TRPM7: variants seen among roughly 807,000 people sequenced by gnomAD.
TRPM7 encodes LTRPC ion channel family member 7.
Under a neutral mutation model 229.7 loss-of-function variants are expected in TRPM7, and 134 were observed. That is an observed-to-expected ratio of 0.58 (90% CI 0.51 to 0.67). The LOEUF is 0.67. TRPM7 is among the 30% of genes least tolerant of loss of function. The pLI is 0.00. For synonymous variants in TRPM7, 699 were observed against 715.2 expected (o/e 0.98, Z 0.36); for missense variants, 1,901 against 2,210.0 (o/e 0.86, Z 2.80).
intron 2 of TRPM7, among the ~76,000 whole-genome samples, chr15:50,661,103 A>C (rs928034478): frequency 1.3e-5 from 2 of 151,888 alleles, no homozygotes; most frequent in African/African-American, 4.8e-5. Flanking sequence ...TAGCCTCCCA[A>C]GTAGCTGGGA....
At chr15:50,667,380 A>T (rs911643906) in intron 1 of TRPM7, among the ~76,000 whole-genome samples, 1 of 152,176 alleles carries the variant, frequency 6.6e-6, no homozygotes, top group African/African-American at 2.4e-5. Context: ...TGTGTGTATG[A>T]TATGAAAGAG....
At chr15:50,681,160 A>G (rs35725584) in intron 1 of TRPM7, among the ~76,000 whole-genome samples, 20,951 of 151,994 alleles carry the variant, frequency 0.14, 1,475 homozygotes, top group Middle Eastern at 0.2. Context: ...CTGAGGCAGG[A>G]GAATCACTTG....
chr15:50,639,934 G>A (rs893716599), intron 5 of TRPM7, among the ~76,000 whole-genome samples: 5 of 151,876 alleles, frequency 3.3e-5, no homozygotes, highest in Non-Finnish European at 7.4e-5. Context: ...TTAAAACAAG[G>A]TCATAGCCAA....
chr15:50,579,420 A>T (rs1030059936), intron 30 of TRPM7, among the ~76,000 whole-genome samples: 2 of 152,192 alleles, frequency 1.3e-5, no homozygotes, highest in African/African-American at 4.8e-5. Flanking sequence ...TTTTCACCTT[A>T]ATAGAAACAT....
chr15:50,567,621 C>A (rs77962442), intron 38 of TRPM7, among the ~76,000 whole-genome samples: 4,540 of 151,748 alleles, frequency 0.03, 212 homozygotes, highest in African/African-American at 0.11. Flanking sequence ...ATATGTATCA[C>A]AACAAAGTGT....
rs2053312707 is a variant in TRPM7 at position 50,561,593 on chromosome 15, CCAAA to C, written c.*81_*84del. On this transcript the variant is annotated 3_prime_UTR_variant, in exon 39 of 39. Coordinates refer to ENST00000646667, the MANE Select transcript of TRPM7 (RefSeq NM_017672.6). ...AACTTGCATACACCTTTCTATATTACCAAACAATTTCCTCCCGAGGGAAAAGTGA... is the reference window on the plus strand; with the variant it reads ...AACTTGCATACACCTTTCTATATTACCAATTTCCTCCCGAGGGAAAAGTGA... The C allele has an allele frequency of 1.9e-5, 29 of 1,534,404 alleles. No homozygotes were observed. The highest frequency in any genetic ancestry group is 4.0e-5 in the Admixed American group (2 of 50,556).
intron 28 of TRPM7, among the ~76,000 whole-genome samples, chr15:50,583,788 G>A (rs775189917): frequency 1.3e-5 from 2 of 151,960 alleles, no homozygotes; most frequent in Non-Finnish European, 2.9e-5. Context: ...TGTTCAGGCT[G>A]GTCTCAAACT....
At chr15:50,571,945 T>A (rs920088283) in intron 36 of TRPM7, among the ~76,000 whole-genome samples, 1 of 152,212 alleles carries the variant, frequency 6.6e-6, no homozygotes, top group Non-Finnish European at 1.5e-5. Context: ...TAAAATGTTA[T>A]CAAATGGCAC....
intron 2 of TRPM7, among the ~76,000 whole-genome samples, chr15:50,659,743 C>T (rs993727749): frequency 6.6e-6 from 1 of 152,042 alleles, no homozygotes; most frequent in Admixed American, 6.6e-5. Context: ...TGTCAGCTCA[C>T]TGCAACCTCC....
At chr15:50,622,310 G>C (rs1204617234) in intron 12 of TRPM7, among the ~76,000 whole-genome samples, 1 of 152,144 alleles carries the variant, frequency 6.6e-6, no homozygotes, top group Non-Finnish European at 1.5e-5. Flanking sequence ...GAGAACTACT[G>C]CTTTATCATG....
intron 28 of TRPM7, among the ~76,000 whole-genome samples, chr15:50,584,444 G>C (rs76362257): frequency 6.6e-6 from 1 of 152,034 alleles, no homozygotes; most frequent in Non-Finnish European, 1.5e-5. Context: ...GTGTATGTTC[G>C]TTCTGGGAAT....
chr15:50,565,301 A>C (rs2053548585), intron 38 of TRPM7, among the ~76,000 whole-genome samples: 1 of 152,154 alleles, frequency 6.6e-6, no homozygotes, highest in Admixed American at 6.6e-5. Context: ...GTTTAAATTT[A>C]AAACAAAATC....
intron 3 of TRPM7, among the ~76,000 whole-genome samples, chr15:50,651,655 TAAAG>T (rs776820737): frequency 6.6e-6 from 1 of 151,598 alleles, no homozygotes; most frequent in Non-Finnish European, 1.5e-5. Context: ...AAGAAAAAAT[TAAAG>T]AAAAGAAGAC....
chr15:50,674,822 G>A (rs918748767), intron 1 of TRPM7, among the ~76,000 whole-genome samples: 4 of 151,962 alleles, frequency 2.6e-5, no homozygotes, highest in African/African-American at 9.7e-5. Flanking sequence ...GTTTGTTTTT[G>A]TTTTTTTGTT....
At chr15:50,678,020 A>C (rs987518169) in intron 1 of TRPM7, among the ~76,000 whole-genome samples, 8 of 151,974 alleles carry the variant, frequency 5.3e-5, no homozygotes, top group African/African-American at 1.9e-4. Flanking sequence ...CGGGCGGATC[A>C]CGAGGTCAGG....
chr15:50,584,444 G>A (rs76362257), intron 28 of TRPM7, among the ~76,000 whole-genome samples: 1,553 of 152,152 alleles, frequency 0.01, 38 homozygotes, highest in African/African-American at 0.036. Flanking sequence ...GTGTATGTTC[G>A]TTCTGGGAAT....
chr15:50,618,746 G>A (rs1335942861), intron 13 of TRPM7, among the ~76,000 whole-genome samples: 1 of 152,012 alleles, frequency 6.6e-6, no homozygotes, highest in Non-Finnish European at 1.5e-5. Flanking sequence ...GTACCCACAG[G>A]TAGTTGTTCA....
intron 21 of TRPM7, 62 bp downstream of exon 21, chr15:50,604,802 CAT>C (rs1395583435): frequency 2.1e-6 from 3 of 1,437,224 alleles, no homozygotes; most frequent in Non-Finnish European, 2.8e-6. Flanking sequence ...ATGTTAATAA[CAT>C]TTTTGTGATT....
chr15:50,561,841 A>G (rs751309705), intron 38 of TRPM7, 33 bp from the exon 39 acceptor site: 5 of 1,506,010 alleles, frequency 3.3e-6, no homozygotes, highest in South Asian at 1.3e-5. Flanking sequence ...TTAAAAAAAA[A>G]AAAGAAAGAG....
Sources: gnomAD v4.1 joint callset for allele counts (sites outside exome capture counted in the v4.1 genomes callset) on GRCh38, gnomAD v4.1.1 for gene constraint, MANE v1.5 for transcripts, NCBI Gene and HGNC (gene_info 2026-07-23, HGNC 2026-07-21) for gene names.